The following CLGN variants were observed in gnomAD, a reference collection of about 807,000 sequenced individuals.
CLGN encodes testis tissue sperm-binding protein Li 79P.
In CLGN, 62 loss-of-function variants were observed where a neutral mutation model predicts 79.1. The observed-to-expected ratio is 0.78, with a 90% CI of 0.64 to 0.97. The LOEUF (loss-of-function observed/expected upper bound fraction) is 0.97, where lower values mean the gene tolerates loss of function less well. Among genes scored for constraint, CLGN ranks in the 50% least tolerant of loss-of-function variants. The pLI, the probability that CLGN is intolerant of heterozygous loss-of-function variation, is 0.00. For missense variants in CLGN, 647 were observed against 715.5 expected (o/e 0.90, Z 1.09); for synonymous variants, 225 against 224.7 (o/e 1.00, Z -0.01).
In CLGN at chr4:140,393,731, AT is replaced by A. The variant is rs1728817369; in HGVS notation, c.1365+94del. ...GGCATTTAGTAGTTACTGCACATTTATTTGCATTTAAAAGAGCCATCTGAAT... is the reference window on the plus strand; with the variant it reads ...GGCATTTAGTAGTTACTGCACATTTATTGCATTTAAAAGAGCCATCTGAAT... On this transcript the variant is annotated intron_variant, in intron 11 of 14. Transcript: ENST00000325617. 3 of 1,005,582 alleles carry A rather than the reference AT, an allele frequency of 3.0e-6. No individual in the cohort carries two copies. The Admixed American group carries it at 7.1e-5, about 24-fold the overall frequency. 62.3% of individuals were successfully genotyped at this position (1,005,582 alleles called of 1,614,324 possible).
intron 5 of CLGN, among the ~76,000 whole-genome samples, chr4:140,402,892 C>A (rs761178811): frequency 2.6e-5 from 4 of 151,818 alleles, no homozygotes; most frequent in African/African-American, 4.8e-5. Context: ...TGAATTAAAT[C>A]AAAAAGACAT....
intron 4 of CLGN, among the ~76,000 whole-genome samples, chr4:140,408,325 AAATG>A (rs1729146109): frequency 6.6e-6 from 1 of 152,190 alleles, no homozygotes; most frequent in South Asian, 2.1e-4. Flanking sequence ...AAAAATAAAT[AAATG>A]GGACCTAATT....
At chr4:140,408,452 G>GAA (rs1729148158) in intron 4 of CLGN, among the ~76,000 whole-genome samples, 2 of 152,080 alleles carry the variant, frequency 1.3e-5, no homozygotes, top group East Asian at 3.9e-4. Flanking sequence ...CTAGTATCCA[G>GAA]AATCATGAGA....
At chr4:140,392,740 A>T in intron 11 of CLGN, 29 bp from the exon 12 acceptor site, 1 of 1,537,588 alleles carries the variant, frequency 6.5e-7, no homozygotes, top group Non-Finnish European at 8.7e-7. Flanking sequence ...TAAAAATGCA[A>T]TTCAAATTTT....
intron 11 of CLGN, 111 bp from the exon 12 acceptor site, chr4:140,392,822 G>A: frequency 1.0e-6 from 1 of 955,066 alleles, no homozygotes; most frequent in Non-Finnish European, 1.5e-6. Context: ...AAGGAGTGAT[G>A]AACTCGTAAG....
intron 1 of CLGN, among the ~76,000 whole-genome samples, chr4:140,418,741 T>C (rs13116255): frequency 0.59 from 88,206 of 148,272 alleles, 27,197 homozygotes; most frequent in Non-Finnish European, 0.7. Context: ...AGGAACACTT[T>C]TACACTGTTG....
In CLGN at chr4:140,418,071, T is replaced by C. The variant is rs1228091778; in HGVS notation, c.-9-4984A>G. Reference sequence around the variant, plus strand: ...CGCATATCTACAACTATCTGATCTTTGACAAACCTGAGAAAAACAAGCAAT... The same window carrying C: ...CGCATATCTACAACTATCTGATCTTCGACAAACCTGAGAAAAACAAGCAAT... On this transcript the variant is annotated intron_variant, in intron 1 of 14. Coordinates refer to ENST00000325617, the MANE Select transcript of CLGN (RefSeq NM_004362.3). Among the ~76,000 whole-genome samples the C allele has an allele frequency of 7.5e-3, 1,145 of 151,676 alleles. 10 individuals are homozygous for C. The highest frequency in any genetic ancestry group is 0.025 in the African/African-American group (1,051 of 41,414).
At chr4:140,412,832 T>G in intron 2 of CLGN, 103 bp downstream of exon 2, 1 of 1,040,384 alleles carries the variant, frequency 9.6e-7, no homozygotes, top group Non-Finnish European at 1.4e-6. Context: ...TCTATCTAGC[T>G]CTAAAATGAA....
intron 4 of CLGN, among the ~76,000 whole-genome samples, chr4:140,408,860 C>CATATATATAT (rs112593782): frequency 3.2e-4 from 44 of 138,418 alleles, no homozygotes; most frequent in African/African-American, 8.9e-4. Context: ...AGTTGATAAG[C>CATATATATAT]ATATATATAT....
chr4:140,396,383 G>T (rs1331331835), intron 8 of CLGN, among the ~76,000 whole-genome samples, 178 bp from the exon 9 acceptor site: 3 of 151,852 alleles, frequency 2.0e-5, no homozygotes, highest in African/African-American at 7.3e-5. Flanking sequence ...CATATTCCCT[G>T]TTGTGCTCTA....
chr4:140,395,186 C>T (rs1728849944), intron 10 of CLGN, among the ~76,000 whole-genome samples: 1 of 149,030 alleles, frequency 6.7e-6, no homozygotes, highest in Admixed American at 6.7e-5. Context: ...CTTGCTGTGT[C>T]GCCAGGCGGG....
chr4:140,395,036 G>T (rs1436071302), intron 10 of CLGN, among the ~76,000 whole-genome samples: 1 of 152,138 alleles, frequency 6.6e-6, no homozygotes, highest in Non-Finnish European at 1.5e-5. Flanking sequence ...AGTTAGCCGG[G>T]CGTGCTGGGG....
intron 1 of CLGN, among the ~76,000 whole-genome samples, chr4:140,424,902 A>G (rs1291283227): frequency 6.6e-6 from 1 of 152,206 alleles, no homozygotes; most frequent in Non-Finnish European, 1.5e-5. Flanking sequence ...ATTCTTCCCA[A>G]TCTTTGAAAT....
Position 140,393,947 on chromosome 4 carries a change from A to G in CLGN, c.1244T>C (p.Leu415Pro). 6.2e-7 allele frequency: 1 copy of G among 1,613,688 alleles called. No individual in the cohort carries two copies. Among genetic ancestry groups the G allele is most frequent in the Non-Finnish European group, 8.5e-7 (1 of 1,179,684 alleles). Residue 415 changes from leucine to proline, a missense_variant, in exon 11 of 15, where the codon CTT becomes CCT. By Grantham distance (98) the Leu-to-Pro change is moderately conservative. Coordinates refer to ENST00000325617, the MANE Select transcript of CLGN (RefSeq NM_004362.3). ...LTSFSALGLELWSMTSDIYFD... is the reference protein window; with the variant it reads ...LTSFSALGLEPWSMTSDIYFD... The stretch of plus-strand genomic sequence containing the variant: ...GTAGATATCAGAGGTCATAGACCAA[A>G]GCTCTAAACCAAGAGCACTGAAAGA...
At chr4:140,413,693 C>T (rs1729262096) in intron 1 of CLGN, among the ~76,000 whole-genome samples, 1 of 152,226 alleles carries the variant, frequency 6.6e-6, no homozygotes, top group Non-Finnish European at 1.5e-5. Flanking sequence ...CCGCACCTGG[C>T]TTGGAGGGTC....
intron 9 of CLGN, 38 bp downstream of exon 9, chr4:140,396,054 A>T: frequency 6.2e-7 from 1 of 1,610,326 alleles, no homozygotes; most frequent in Non-Finnish European, 8.5e-7. Flanking sequence ...CATGTAAGAA[A>T]CATTTGAAAT....
intron 13 of CLGN, 120 bp downstream of exon 13, chr4:140,392,099 G>T: frequency 8.5e-7 from 1 of 1,180,244 alleles, no homozygotes; most frequent in Non-Finnish European, 1.2e-6. Flanking sequence ...CATATTCTTG[G>T]GAGATTCAGA....
chr4:140,425,689 C>G (rs1729554747), intron 1 of CLGN, among the ~76,000 whole-genome samples: 1 of 134,240 alleles, frequency 7.4e-6, no homozygotes, highest in East Asian at 2.2e-4. Context: ...AGTGCAGTGG[C>G]ACAATCTCGG....
At position 140,389,257 on chromosome 4, in the gene CLGN, C is replaced by T. The variant is rs762373824; in HGVS notation, c.1800G>A (p.Lys600=). Residue 600 remains lysine, a synonymous_variant, in exon 15 of 15, where the codon AAG becomes AAA. Coordinates refer to ENST00000325617, the MANE Select transcript of CLGN (RefSeq NM_004362.3). ...ESTGSGDGPI[K]SVRKRRVRKD ...TTCGTACTCTTCTTTTGCGTACTGA[C>T]TTTATCGGCCCATCTCCAGATCCTG... 2 of 1,612,496 alleles carry T rather than the reference C, an allele frequency of 1.2e-6. No homozygotes were observed. Among genetic ancestry groups the T allele is most frequent in the Admixed American group, 1.7e-5 (1 of 59,952 alleles).
Sources: allele counts gnomAD v4.1 joint callset (sites outside exome capture counted in the v4.1 genomes callset), GRCh38; gene constraint gnomAD v4.1.1; transcripts MANE v1.5; gene names NCBI Gene and HGNC (gene_info 2026-07-23, HGNC 2026-07-21).